DESI2: variants seen among roughly 807,000 people sequenced by gnomAD.
The protein encoded by DESI2 is desumoylating isopeptidase 2.
In DESI2, 10 loss-of-function variants were observed where a neutral mutation model predicts 24.1. That is an observed-to-expected ratio of 0.41 (90% CI 0.26 to 0.70). The LOEUF is 0.70. DESI2 is among the 30% of genes least tolerant of loss of function. The pLI is 0.29. For synonymous variants in DESI2, 71 were observed against 87.7 expected (o/e 0.81, Z 1.06); for missense variants, 122 against 234.9 (o/e 0.52, Z 3.14).
intron 1 of DESI2, among the ~76,000 whole-genome samples, chr1:244,665,583 G>C (rs887937857): frequency 6.6e-6 from 1 of 152,162 alleles, no homozygotes; most frequent in East Asian, 1.9e-4. Flanking sequence ...GTTTTAGTCA[G>C]ACACCAGTCT....
chr1:244,659,947 AACTCAGAT>A (rs1355996469), intron 1 of DESI2, among the ~76,000 whole-genome samples: 17 of 152,224 alleles, frequency 1.1e-4, no homozygotes, highest in Non-Finnish European at 2.4e-4. Flanking sequence ...TGAAAAATAC[AACTCAGAT>A]GCCAGTAGGG....
At chr1:244,653,486 G>A (rs1675534319) in intron 1 of DESI2, 131 bp downstream of exon 1, 3 of 879,754 alleles carry the variant, frequency 3.4e-6, no homozygotes, top group Non-Finnish European at 3.4e-6. Context: ...GGGGGAAGCC[G>A]GGGGTGAAGG....
chr1:244,679,547 C>A (rs1676529428), intron 1 of DESI2, among the ~76,000 whole-genome samples: 1 of 152,144 alleles, frequency 6.6e-6, no homozygotes, highest in South Asian at 2.1e-4. Context: ...AGCAGTTCAT[C>A]CCTAAATACT....
chr1:244,673,094 G>A (rs1022776395), intron 1 of DESI2, among the ~76,000 whole-genome samples: 1 of 151,998 alleles, frequency 6.6e-6, no homozygotes, highest in African/African-American at 2.4e-5. Flanking sequence ...GCATAGCTTT[G>A]GCAGGACTTT....
At chr1:244,686,545 T>G in intron 1 of DESI2, 52 bp from the exon 2 acceptor site, 2 of 1,169,534 alleles carry the variant, frequency 1.7e-6, no homozygotes, top group Admixed American at 3.4e-5. Context: ...TAGCGCGGAG[T>G]TGGGTTGTAA....
chr1:244,653,196 G>T lies in DESI2; in HGVS notation c.-118G>T. Reference sequence around the variant, plus strand: ...GCTTCCGCCCCGGCTGCCGCGGGCCGGGCTGTACGCTTAGTGCCCGGCTCA... The same window carrying T: ...GCTTCCGCCCCGGCTGCCGCGGGCCTGGCTGTACGCTTAGTGCCCGGCTCA... On this transcript the variant is annotated 5_prime_UTR_variant, in exon 1 of 5. Coordinates refer to ENST00000302550, the MANE Select transcript of DESI2 (RefSeq NM_016076.5). 9.2e-7 allele frequency: 1 copy of T among 1,084,252 alleles called. No individual in the cohort carries two copies. Among genetic ancestry groups the T allele is most frequent in the South Asian group, 2.5e-5 (1 of 39,886 alleles). The allele number at this position is 1,084,252 out of a possible 1,614,324, so 67.2% of individuals were successfully genotyped here. A position where few individuals can be genotyped will look rare whatever the true frequency, so the allele number is the denominator to read the frequency against.
At chr1:244,691,815 AT>A in intron 3 of DESI2, 63 bp from the exon 4 acceptor site, 1 of 1,273,888 alleles carries the variant, frequency 7.8e-7, no homozygotes, top group East Asian at 2.6e-5. Flanking sequence ...CATGCTTTTT[AT>A]AAATATTTGA....
At chr1:244,676,441 G>A (rs1676418929) in intron 1 of DESI2, among the ~76,000 whole-genome samples, 1 of 152,004 alleles carries the variant, frequency 6.6e-6, no homozygotes, top group African/African-American at 2.4e-5. Flanking sequence ...ATTAGTTTTA[G>A]TAATTTTTTA....
At chr1:244,681,880 C>T (rs1676624861) in intron 1 of DESI2, among the ~76,000 whole-genome samples, 1 of 152,144 alleles carries the variant, frequency 6.6e-6, no homozygotes, top group Non-Finnish European at 1.5e-5. Flanking sequence ...TTGGTTCCTT[C>T]CGGTGGGTTC....
At chr1:244,654,289 T>G (rs1445156617) in intron 1 of DESI2, among the ~76,000 whole-genome samples, 2 of 152,250 alleles carry the variant, frequency 1.3e-5, no homozygotes, top group African/African-American at 4.8e-5. Flanking sequence ...ACTGCAGTGC[T>G]TAAAATTCCT....
chr1:244,702,924 T>C (rs1047102682), intron 4 of DESI2, among the ~76,000 whole-genome samples: 4 of 151,878 alleles, frequency 2.6e-5, no homozygotes, highest in African/African-American at 9.7e-5. Flanking sequence ...ATGACTTACA[T>C]GATTAACCTC....
chr1:244,698,705 G>A (rs576199546), intron 4 of DESI2, among the ~76,000 whole-genome samples: 20 of 152,172 alleles, frequency 1.3e-4, no homozygotes, highest in Non-Finnish European at 2.4e-4. Context: ...CAGGGAAGAC[G>A]ACTTCTATTT....
chr1:244,654,496 A>G (rs1453318896), intron 1 of DESI2, among the ~76,000 whole-genome samples: 1 of 152,206 alleles, frequency 6.6e-6, no homozygotes, highest in Non-Finnish European at 1.5e-5. Context: ...ATATCTGGGA[A>G]TTGTGTCAGA....
At chr1:244,673,832 T>C (rs1676324033) in intron 1 of DESI2, among the ~76,000 whole-genome samples, 1 of 152,190 alleles carries the variant, frequency 6.6e-6, no homozygotes, top group Non-Finnish European at 1.5e-5. Flanking sequence ...GCCGAATTAT[T>C]CTTTAAGGAG....
Position 244,686,681 on chromosome 1 carries a change from C to T in DESI2, c.115+12C>T, listed in dbSNP as rs774711917. On this transcript the variant is annotated intron_variant, in intron 2 of 4. Coordinates refer to ENST00000302550, the MANE Select transcript of DESI2 (RefSeq NM_016076.5). ...AGTCTATGGCAGAGGTACGTGTACA[C>T]ACAGTCTAAATATACTCTCTGAAGA... 1 of 1,551,748 alleles carries T rather than the reference C, an allele frequency of 6.4e-7. No individual in the cohort carries two copies. The highest frequency in any genetic ancestry group is 2.2e-5 in the East Asian group (1 of 44,590).
chr1:244,689,169 C>T lies in DESI2; in HGVS notation c.116-80C>T, dbSNP rs1426982799. On this transcript the variant is annotated intron_variant, in intron 2 of 4. Coordinates refer to ENST00000302550, the MANE Select transcript of DESI2 (RefSeq NM_016076.5). The surrounding 1 kb of genome is among the most constrained non-coding windows in gnomAD (Gnocchi z 4.0). The stretch of plus-strand genomic sequence containing the variant: ...ATATTTAGATGGTGTCACTGTTATC[C>T]TCAATTATTAAAGCTAATTCAGCAT... 2 of 749,130 alleles carry T rather than the reference C, an allele frequency of 2.7e-6. No individual in the cohort carries two copies. Among genetic ancestry groups the T allele is most frequent in the African/African-American group, 1.8e-5 (1 of 56,710 alleles). 46.4% of individuals were successfully genotyped at this position (749,130 alleles called of 1,614,324 possible).
At position 244,706,546 on chromosome 1, in the gene DESI2, G is replaced by A. The variant is rs1459958101; in HGVS notation, c.*757G>A. On this transcript the variant is annotated 3_prime_UTR_variant, in exon 5 of 5. Coordinates refer to ENST00000302550, the MANE Select transcript of DESI2 (RefSeq NM_016076.5). ...GTTTTCGTTCAAGATATTCTTGGTA[G>A]TAACTGACAAGTATGTTGCACATGT... The A allele has an allele frequency of 1.3e-5, 2 of 152,654 alleles. No individual in the cohort carries two copies. The highest frequency in any genetic ancestry group is 6.5e-5 in the Admixed American group (1 of 15,280). 9.5% of individuals were successfully genotyped at this position (152,654 alleles called of 1,614,324 possible).
intron 1 of DESI2, among the ~76,000 whole-genome samples, chr1:244,681,053 A>G (rs1676596679): frequency 1.3e-5 from 2 of 149,634 alleles, no homozygotes; most frequent in Non-Finnish European, 3.0e-5. Flanking sequence ...ACCTTTTCCC[A>G]TGGTTGACTA....
At chr1:244,693,453 G>A (rs1233400018) in intron 4 of DESI2, among the ~76,000 whole-genome samples, 2 of 150,130 alleles carry the variant, frequency 1.3e-5, no homozygotes, top group African/African-American at 4.9e-5. Context: ...TTTTTGAGAT[G>A]CAGTTTTGCT....
Sources: gnomAD v4.1 joint callset for allele counts (sites outside exome capture counted in the v4.1 genomes callset) on GRCh38, gnomAD v4.1.1 for gene constraint, Gnocchi (gnomAD v3.1) non-coding constraint, MANE v1.5 for transcripts, NCBI Gene and HGNC (gene_info 2026-07-23, HGNC 2026-07-21) for gene names.